The following ZFAT variants were observed in gnomAD, a reference collection of about 807,000 sequenced individuals.
ZFAT encodes zinc finger and AT-hook domain containing.
In ZFAT, 64 loss-of-function variants were observed where a neutral mutation model predicts 117.7. That is an observed-to-expected ratio of 0.54 (90% CI 0.44 to 0.67). The LOEUF is 0.67. Among genes scored for constraint, ZFAT ranks in the 30% least tolerant of loss-of-function variants. The probability of loss-of-function intolerance (pLI) is 0.00; values close to 1 mark genes in which losing one functional copy is unlikely to be tolerated. For synonymous variants in ZFAT, 679 were observed against 615.0 expected (o/e 1.10, Z -1.54); for missense variants, 1,433 against 1,584.5 (o/e 0.90, Z 1.62).
chr8:134,676,255 C>CAAAAAAAAAAAAA (rs146638821), intron 1 of ZFAT, among the ~76,000 whole-genome samples: 1 of 80,598 alleles, frequency 1.2e-5, no homozygotes, highest in Non-Finnish European at 2.3e-5. Context: ...AAATGGAAAG[C>CAAAAAAAAAAAAA]AAAAAAAAAA....
chr8:134,535,308 G>C (rs1821747683), intron 11 of ZFAT, among the ~76,000 whole-genome samples: 1 of 152,052 alleles, frequency 6.6e-6, no homozygotes, highest in Non-Finnish European at 1.5e-5. Flanking sequence ...ATCTCCACAG[G>C]GATGTTCTAT....
chr8:134,817,804 T>C, the ZFAT span, among the ~76,000 whole-genome samples: 1 of 152,142 alleles, frequency 6.6e-6, no homozygotes, highest in Non-Finnish European at 1.5e-5. Flanking sequence ...ATCAACGCAG[T>C]GCAGCACTGG....
intron 8 of ZFAT, 114 bp downstream of exon 8, chr8:134,590,154 T>A: frequency 1.4e-6 from 1 of 720,356 alleles, no homozygotes; most frequent in Non-Finnish European, 2.3e-6. Flanking sequence ...ATGAATATAT[T>A]CACAGCTTCA....
At chr8:134,743,745 G>A in the ZFAT span, among the ~76,000 whole-genome samples, 36 of 152,188 alleles carry the variant, frequency 2.4e-4, no homozygotes, top group African/African-American at 7.2e-4. Context: ...CCCCAGAAGC[G>A]TCTGTCTCTC....
At chr8:134,677,464 C>CA (rs1279663127) in intron 1 of ZFAT, among the ~76,000 whole-genome samples, 1 of 151,882 alleles carries the variant, frequency 6.6e-6, no homozygotes, top group East Asian at 1.9e-4. Flanking sequence ...GCCTACCAAC[C>CA]AAAAAAAGTC....
chr8:134,551,848 C>T (rs1234298420), intron 11 of ZFAT, among the ~76,000 whole-genome samples: 2 of 152,136 alleles, frequency 1.3e-5, no homozygotes, highest in African/African-American at 4.8e-5. Context: ...CCCTTTCACA[C>T]CGACACATTA....
the ZFAT span, among the ~76,000 whole-genome samples, chr8:134,755,337 T>C: frequency 7.9e-5 from 11 of 139,306 alleles, no homozygotes; most frequent in African/African-American, 2.7e-4. Context: ...TGCTTGAACC[T>C]GGGAGGTGGA....
chr8:134,562,736 T>C (rs1325948860), intron 11 of ZFAT, among the ~76,000 whole-genome samples: 1 of 152,192 alleles, frequency 6.6e-6, no homozygotes, highest in African/African-American at 2.4e-5. Flanking sequence ...ACCAACTATG[T>C]AATGGCAGAA....
chr8:134,501,072 A>C (rs1049999101), intron 15 of ZFAT, among the ~76,000 whole-genome samples: 9 of 152,222 alleles, frequency 5.9e-5, no homozygotes, highest in African/African-American at 2.2e-4. Context: ...TATAGGGAAA[A>C]AAACAAAGTC....
chr8:134,545,065 A>C (rs1473907333), intron 11 of ZFAT, among the ~76,000 whole-genome samples: 1 of 152,242 alleles, frequency 6.6e-6, no homozygotes, highest in African/African-American at 2.4e-5. Context: ...ATCCACTGCA[A>C]TTGAATGAAT....
chr8:134,639,926 G>C (rs1830488888), intron 2 of ZFAT: 1 of 366,734 alleles, frequency 2.7e-6, no homozygotes, highest in Non-Finnish European at 5.3e-6. Flanking sequence ...TGTGAGTGAA[G>C]AATTAACTTT....
intron 15 of ZFAT, among the ~76,000 whole-genome samples, chr8:134,483,302 G>T (rs2130035181): frequency 6.6e-6 from 1 of 152,082 alleles, no homozygotes; most frequent in Middle Eastern, 3.4e-3. Context: ...GCTCCTCCTG[G>T]CCTCGTGACT....
chr8:134,519,940 T>C (rs1169956430), intron 13 of ZFAT, among the ~76,000 whole-genome samples: 1 of 152,254 alleles, frequency 6.6e-6, no homozygotes, highest in Non-Finnish European at 1.5e-5. Flanking sequence ...TGTTTCATAT[T>C]ATAATGGATG....
At chr8:134,728,216 G>A in the ZFAT span, among the ~76,000 whole-genome samples, 1 of 151,892 alleles carries the variant, frequency 6.6e-6, no homozygotes, top group African/African-American at 2.4e-5. Flanking sequence ...GGTCTCGGTG[G>A]CTATTGGCAG....
Position 134,713,017 on chromosome 8 carries a change from T to C in ZFAT, c.-154A>G, listed in dbSNP as rs567004334. 1.8e-5 allele frequency: 16 copies of C among 893,934 alleles called. No individual in the cohort carries two copies. In the East Asian group the frequency reaches 4.0e-4, roughly 23 times the overall value. The allele number at this position is 893,934 out of a possible 1,614,324, so 55.4% of individuals were successfully genotyped here. A position where few individuals can be genotyped will look rare whatever the true frequency, so the allele number is the denominator to read the frequency against. ...GCGAGGTTATGGCGAATCTGCGGCA[T>C]CCAACATGGCGGATGGAGTCTTCGC... On this transcript the variant is annotated 5_prime_UTR_variant, in exon 1 of 16. It removes an upstream start codon present in the reference 5' UTR. Coordinates refer to ENST00000377838, the MANE Select transcript of ZFAT (RefSeq NM_020863.4).
intron 15 of ZFAT, among the ~76,000 whole-genome samples, chr8:134,505,090 G>A (rs1819290694): frequency 6.6e-6 from 1 of 152,146 alleles, no homozygotes; most frequent in Non-Finnish European, 1.5e-5. Context: ...CTCTTGACCA[G>A]TTCTGATTGT....
At chr8:134,788,859 C>T in the ZFAT span, among the ~76,000 whole-genome samples, 1 of 152,132 alleles carries the variant, frequency 6.6e-6, no homozygotes, top group Non-Finnish European at 1.5e-5. Flanking sequence ...CCTTAAATCT[C>T]ATTGCCTGAC....
chr8:134,609,737 T>C (rs529411811), intron 4 of ZFAT, among the ~76,000 whole-genome samples: 48 of 152,336 alleles, frequency 3.2e-4, no homozygotes, highest in Admixed American at 1.8e-3. Context: ...GCTTTTTAAA[T>C]TAAGGGTCCT....
At chr8:134,800,203 T>C in the ZFAT span, among the ~76,000 whole-genome samples, 1 of 152,170 alleles carries the variant, frequency 6.6e-6, no homozygotes, top group Non-Finnish European at 1.5e-5. Context: ...TATAGCAAAA[T>C]TGAAAAGATA....
Sources: gnomAD v4.1 joint callset for allele counts (sites outside exome capture counted in the v4.1 genomes callset) on GRCh38, gnomAD v4.1.1 for gene constraint, MANE v1.5 for transcripts, NCBI Gene and HGNC (gene_info 2026-07-23, HGNC 2026-07-21) for gene names.